The following NCKAP5 variants were observed in gnomAD, a reference collection of about 807,000 sequenced individuals.
The protein encoded by NCKAP5 is NCK associated protein 5, also known as nck-associated protein 5.
In NCKAP5, 92 loss-of-function variants were observed where a neutral mutation model predicts 167.0. That is an observed-to-expected ratio of 0.55 (90% CI 0.47 to 0.66). The LOEUF (loss-of-function observed/expected upper bound fraction) is 0.66, where lower values mean the gene tolerates loss of function less well. Ranked by LOEUF, NCKAP5 falls within the 30% of genes least tolerant of loss-of-function variation. The pLI is 0.00. For missense variants in NCKAP5, 2,378 were observed against 2,315.0 expected (o/e 1.03, Z -0.56); for synonymous variants, 891 against 877.4 (o/e 1.02, Z -0.27).
intron 11 of NCKAP5, among the ~76,000 whole-genome samples, chr2:132,820,449 C>T (rs1686635789): frequency 2.6e-5 from 4 of 151,968 alleles, no homozygotes; most frequent in South Asian, 4.2e-4. Context: ...AGGATGGTCT[C>T]GATCTCCTGA....
intron 3 of NCKAP5, among the ~76,000 whole-genome samples, chr2:133,384,292 A>G (rs1181475294): frequency 1.3e-5 from 2 of 152,166 alleles, no homozygotes; most frequent in African/African-American, 4.8e-5. Flanking sequence ...CAGTTTTCCC[A>G]GCACCATTTA....
chr2:132,868,794 A>C, intron 10 of NCKAP5, 142 bp downstream of exon 10: 1 of 512,296 alleles, frequency 2.0e-6, no homozygotes, highest in Non-Finnish European at 3.3e-6. Flanking sequence ...TTCATATGCC[A>C]TGTAAAACAC....
At chr2:133,125,513 T>C (rs1449251517) in intron 6 of NCKAP5, among the ~76,000 whole-genome samples, 1 of 152,096 alleles carries the variant, frequency 6.6e-6, no homozygotes, top group Non-Finnish European at 1.5e-5. Context: ...TTTTAGATAG[T>C]TACAAAGCTA....
intron 3 of NCKAP5, among the ~76,000 whole-genome samples, chr2:133,443,210 C>A (rs11692160): frequency 0.22 from 33,462 of 152,092 alleles, 3,860 homozygotes; most frequent in African/African-American, 0.25. Flanking sequence ...TGTCTCCTTG[C>A]CCTGCCTGGC....
chr2:133,592,296 C>A, the NCKAP5 span, among the ~76,000 whole-genome samples: 1 of 152,180 alleles, frequency 6.6e-6, no homozygotes, highest in African/African-American at 2.4e-5. Context: ...GAATGAGATC[C>A]AAGTCAGCCT....
chr2:133,663,063 G>A, the NCKAP5 span, among the ~76,000 whole-genome samples: 6 of 152,098 alleles, frequency 3.9e-5, no homozygotes, highest in Admixed American at 3.3e-4. Context: ...TCAGGAGATC[G>A]AGACCATCCT....
chr2:133,130,077 C>A lies in NCKAP5; in HGVS notation c.242G>T (p.Arg81Ile). The change falls in exon 6 of 20, where the codon AGA (arginine) becomes ATA (isoleucine). Residue 81 changes from arginine to isoleucine, a missense_variant. Physicochemically the swap from Arg to Ile is moderately conservative, Grantham distance 97 (BLOSUM62 -3). Transcript: ENST00000409261. ...CTTCTCGCTTTGAAGACGTAAGTGT[C>A]TCTCCTCTTCCAGTTCATGTATCAG... ...EKLIHELEEE[R>I]HLRLQSEKRL... is the part of the protein sequence containing the mutation. The A allele has an allele frequency of 6.2e-7, 1 of 1,611,682 alleles. No homozygotes were observed. Among genetic ancestry groups the A allele is most frequent in the East Asian group, 2.2e-5 (1 of 44,758 alleles).
chr2:133,373,781 TTAAC>T (rs1363715957), intron 3 of NCKAP5, among the ~76,000 whole-genome samples: 2 of 152,206 alleles, frequency 1.3e-5, no homozygotes, highest in African/African-American at 4.8e-5. Context: ...ATAAATATAG[TTAAC>T]TTGTCTTTGA....
At chr2:132,812,957 C>T (rs940807411) in intron 11 of NCKAP5, among the ~76,000 whole-genome samples, 1 of 152,186 alleles carries the variant, frequency 6.6e-6, no homozygotes, top group Non-Finnish European at 1.5e-5. Context: ...AGCTCTCATG[C>T]TCGTGATCTA....
rs1159322854 is a variant in NCKAP5, at chr2:132,782,636, G to A, written c.4175C>T (p.Thr1392Ile). The A allele has an allele frequency of 1.2e-6, 2 of 1,606,574 alleles. No homozygotes were observed. Among genetic ancestry groups the A allele is most frequent in the Non-Finnish European group, 1.7e-6 (2 of 1,176,322 alleles). Residue 1392 changes from threonine (T) to isoleucine (I), a missense_variant, in exon 14 of 20, where the codon ACC (threonine) becomes ATC (isoleucine). Thr to Ile is a moderately conservative substitution (Grantham distance 89). This residue lies in a region of NCKAP5 where 1,325 missense variants were observed against 1,274.5 expected (regional missense o/e 1.04). Transcript: ENST00000409261. ...PPGKEDQQAF[T>I]QGECPSANVA... ...ATTGGCACTGGGGCACTCTCCCTGGGTGAAGGCCTGCTGGTCTTCCTTTCC... is the reference window on the plus strand; with the variant it reads ...ATTGGCACTGGGGCACTCTCCCTGGATGAAGGCCTGCTGGTCTTCCTTTCC...
intron 6 of NCKAP5, among the ~76,000 whole-genome samples, chr2:133,089,294 C>T (rs920620703): frequency 3.3e-5 from 5 of 152,164 alleles, no homozygotes; most frequent in African/African-American, 4.8e-5. Context: ...ACAAGTACTT[C>T]ATGTCAAAAA....
chr2:133,667,029 CA>C, the NCKAP5 span, among the ~76,000 whole-genome samples: 8 of 152,062 alleles, frequency 5.3e-5, no homozygotes, highest in South Asian at 1.7e-3. Context: ...AAAATTTGGC[CA>C]AAACCTAGCT....
At chr2:133,588,882 G>A in the NCKAP5 span, among the ~76,000 whole-genome samples, 944 of 152,274 alleles carry the variant, frequency 6.2e-3, 29 homozygotes, top group Admixed American at 0.053. Context: ...CCAAGGGCCC[G>A]AGATGATCAT....
intron 7 of NCKAP5, among the ~76,000 whole-genome samples, chr2:132,981,187 T>C (rs2077130135): frequency 6.6e-6 from 1 of 152,220 alleles, no homozygotes; most frequent in Non-Finnish European, 1.5e-5. Context: ...GGAATCATCA[T>C]GAATGAGATT....
chr2:133,546,556 G>A (rs1054441398), intron 2 of NCKAP5, among the ~76,000 whole-genome samples: 5 of 152,038 alleles, frequency 3.3e-5, no homozygotes, highest in Non-Finnish European at 7.4e-5. Flanking sequence ...TCCTGAATGT[G>A]GCTCATTCAG....
intron 6 of NCKAP5, chr2:133,123,865 G>A (rs1022821292): frequency 1.7e-5 from 8 of 468,618 alleles, no homozygotes; most frequent in Non-Finnish European, 3.5e-5. Context: ...TACATGGGTA[G>A]AACATTTAAG....
intron 8 of NCKAP5, among the ~76,000 whole-genome samples, chr2:132,916,892 C>T (rs1380793899): frequency 2.0e-5 from 3 of 150,840 alleles, no homozygotes; most frequent in African/African-American, 7.3e-5. Context: ...CATGTGGCTG[C>T]CTTCCTGGGT....
At position 133,074,836 on chromosome 2, in the gene NCKAP5, T is replaced by C. The variant is rs74603330; in HGVS notation, c.341+55142A>G. Among the ~76,000 whole-genome samples the C allele has an allele frequency of 5.9e-3, 898 of 152,276 alleles. 3 individuals carry two copies. Among genetic ancestry groups the C allele is most frequent in the African/African-American group, 0.02 (849 of 41,568 alleles). ...AAAAAAGAATATGGTCTCAGAGACC[T>C]ATGGGACACTACCCACAGGTCTAAC... On this transcript the variant is annotated intron_variant, in intron 6 of 19. Coordinates refer to ENST00000409261, the MANE Select transcript of NCKAP5 (RefSeq NM_207363.3).
At chr2:133,331,454 C>A (rs936488968) in intron 3 of NCKAP5, among the ~76,000 whole-genome samples, 12 of 152,172 alleles carry the variant, frequency 7.9e-5, no homozygotes, top group East Asian at 5.8e-4. Context: ...AATTTTCAAC[C>A]CAGAGCTCTT....
Sources: gnomAD v4.1 joint callset for allele counts (sites outside exome capture counted in the v4.1 genomes callset) on GRCh38, gnomAD v4.1.1 for gene constraint, gnomAD v4.1.1 regional missense constraint, MANE v1.5 for transcripts, NCBI Gene and HGNC (gene_info 2026-07-23, HGNC 2026-07-21) for gene names.